The following DCP1A variants were observed in gnomAD, a reference collection of about 807,000 sequenced individuals.
DCP1A encodes the protein mRNA-decapping enzyme 1A.
DCP1A carries 20 observed loss-of-function variants against 58.0 expected under a neutral mutation model. That is an observed-to-expected ratio of 0.34 (90% confidence interval 0.24 to 0.50). DCP1A has a LOEUF of 0.50. DCP1A is among the 20% of genes least tolerant of loss of function. The pLI is 0.98. For synonymous variants in DCP1A, 285 were observed against 275.1 expected (o/e 1.04, Z -0.36); for missense variants, 613 against 712.2 (o/e 0.86, Z 1.59).
chr3:53,290,842 G>C lies in DCP1A; in HGVS notation c.1398C>G (p.Asn466Lys). Residue 466 changes from asparagine (N) to lysine (K), a missense_variant, in exon 8 of 10, where the codon AAC (asparagine) becomes AAG (lysine). This residue lies in a region of DCP1A where 498 missense variants were observed against 556.7 expected (regional missense o/e 0.89). Coordinates refer to ENST00000610213, the MANE Select transcript of DCP1A (RefSeq NM_018403.7). ...GCTGCACAAATACTTCAGGATCCTG[G>C]TTCTGCTGCATAGACTGAAATGTTT... ...VLAPLQSMQQ[N>K]QDPEVFVQPK... 1.2e-6 allele frequency: 2 copies of C among 1,610,608 alleles called. No homozygotes were observed. The highest frequency in any genetic ancestry group is 1.7e-6 in the Non-Finnish European group (2 of 1,178,978).
rs565479259 is a variant in DCP1A at position 53,285,322 on chromosome 3, T to C, written c.*2258A>G. On this transcript the variant is annotated 3_prime_UTR_variant, in exon 10 of 10. Transcript: ENST00000610213. ...AAGCCTGAACTAGGAATAAGGCAAC[T>C]GAACTGTGACTTTCGGGCCAGGGTC... 1.3e-5 allele frequency: 2 copies of C among 152,354 alleles called. No individual in the cohort carries two copies. The highest frequency in any genetic ancestry group is 4.1e-4 in the South Asian group (2 of 4,828). The allele number at this position is 152,354 out of a possible 1,614,324, so 9.4% of individuals were successfully genotyped here. A position where few individuals can be genotyped will look rare whatever the true frequency, so the allele number is the denominator to read the frequency against.
intron 3 of DCP1A, 107 bp from the exon 4 acceptor site, chr3:53,319,580 C>A: frequency 1.5e-6 from 1 of 654,044 alleles, no homozygotes; most frequent in Non-Finnish European, 2.6e-6. Flanking sequence ...TACCATCAGA[C>A]CCTCAAATTG....
At chr3:53,296,622 T>A (rs1707136185) in intron 6 of DCP1A, among the ~76,000 whole-genome samples, 1 of 152,244 alleles carries the variant, frequency 6.6e-6, no homozygotes, top group Non-Finnish European at 1.5e-5. Flanking sequence ...ATTTTAACCA[T>A]ATTTAAGTGT....
At chr3:53,304,432 C>T in intron 5 of DCP1A, 142 bp from the exon 6 acceptor site, 1 of 603,494 alleles carries the variant, frequency 1.7e-6, no homozygotes, top group Non-Finnish European at 2.9e-6. Context: ...TTGCTCTGTA[C>T]TCCAATGTAA....
chr3:53,315,755 T>TG (rs1360605751), intron 4 of DCP1A, among the ~76,000 whole-genome samples: 5 of 108,778 alleles, frequency 4.6e-5, no homozygotes, highest in Non-Finnish European at 7.0e-5. Context: ...TTTTTTTTTT[T>TG]TGTTTTTTTT....
rs912419814 is a variant in DCP1A at position 53,286,497 on chromosome 3, C to T, written c.*1083G>A. On this transcript the variant is annotated 3_prime_UTR_variant, in exon 10 of 10. Coordinates refer to ENST00000610213, the MANE Select transcript of DCP1A (RefSeq NM_018403.7). ...GATCAATAGCAGCATAACAAAGCTT[C>T]TTTACATATTTTCACACTTTGGGCC... 4 of 152,214 alleles carry T rather than the reference C, an allele frequency of 2.6e-5. No homozygotes were observed. The highest frequency in any genetic ancestry group is 5.9e-5 in the Non-Finnish European group (4 of 68,030). 9.4% of individuals were successfully genotyped at this position (152,214 alleles called of 1,614,324 possible).
chr3:53,342,617 T>C (rs553740925), intron 2 of DCP1A, among the ~76,000 whole-genome samples: 2 of 152,330 alleles, frequency 1.3e-5, no homozygotes, highest in Non-Finnish European at 2.9e-5. Context: ...TGTGTGCTTC[T>C]ACCTAAAAAC....
At chr3:53,304,627 C>T (rs536828079) in intron 5 of DCP1A, among the ~76,000 whole-genome samples, 2 of 152,224 alleles carry the variant, frequency 1.3e-5, no homozygotes, top group African/African-American at 4.8e-5. Context: ...GGCTGGACTG[C>T]AGTGGCGCAA....
At position 53,288,232 on chromosome 3, in the gene DCP1A, G is replaced by A; in HGVS notation, c.1501C>T (p.Leu501=). ...TGCTGGAAAACACTTGGGGCCAGCA[G>A]GACTGAAGACACTGCAGTGGTCGTT... ...TATTTAVSSV[L]LAPSVFQQTV... The change falls in exon 9 of 10, where the codon CTG becomes TTG. Residue 501 remains leucine, a synonymous_variant. Coordinates refer to ENST00000610213, the MANE Select transcript of DCP1A (RefSeq NM_018403.7). 6.2e-7 allele frequency: 1 copy of A among 1,613,870 alleles called. No homozygotes were observed. Among genetic ancestry groups the A allele is most frequent in the South Asian group, 1.1e-5 (1 of 91,066 alleles).
chr3:53,346,784 C>T (rs1390326268), intron 1 of DCP1A, among the ~76,000 whole-genome samples: 1 of 152,094 alleles, frequency 6.6e-6, no homozygotes, highest in Non-Finnish European at 1.5e-5. Context: ...TTCGGGGATC[C>T]AGTGAACACG....
At chr3:53,314,672 T>C (rs893607105) in intron 4 of DCP1A, among the ~76,000 whole-genome samples, 29 of 136,642 alleles carry the variant, frequency 2.1e-4, no homozygotes, top group East Asian at 1.3e-3. Flanking sequence ...TTTTTCTTTT[T>C]TTTTTTTTTT....
At chr3:53,306,101 T>C (rs1396980547) in intron 5 of DCP1A, among the ~76,000 whole-genome samples, 1 of 152,242 alleles carries the variant, frequency 6.6e-6, no homozygotes, top group African/African-American at 2.4e-5. Flanking sequence ...ATTTTCTTGA[T>C]ACCATGCTAC....
At chr3:53,290,270 G>C (rs192188466) in intron 8 of DCP1A, among the ~76,000 whole-genome samples, 1 of 152,232 alleles carries the variant, frequency 6.6e-6, no homozygotes, top group African/African-American at 2.4e-5. Context: ...AGAGCAATGG[G>C]AAATGAGAGG....
At chr3:53,337,953 ATT>A in intron 3 of DCP1A, 1 of 213,574 alleles carries the variant, frequency 4.7e-6, no homozygotes, top group Non-Finnish European at 1.0e-5. Flanking sequence ...ATTTTCCCTA[ATT>A]GCAAAGTTTT....
chr3:53,320,531 G>A (rs1178210519), intron 3 of DCP1A, among the ~76,000 whole-genome samples: 2 of 152,016 alleles, frequency 1.3e-5, no homozygotes, highest in East Asian at 3.9e-4. Flanking sequence ...AGAAATGGCA[G>A]GTATCATTAT....
At chr3:53,318,041 C>T (rs1388584536) in intron 4 of DCP1A, among the ~76,000 whole-genome samples, 1 of 152,204 alleles carries the variant, frequency 6.6e-6, no homozygotes, top group Non-Finnish European at 1.5e-5. Context: ...TGGTGGCTCA[C>T]GCCTATAATC....
At chr3:53,302,754 G>A (rs1559686640) in intron 6 of DCP1A, among the ~76,000 whole-genome samples, 1 of 151,834 alleles carries the variant, frequency 6.6e-6, no homozygotes, top group South Asian at 2.1e-4. Context: ...TTCCCGAATA[G>A]CTGGGATTAC....
chr3:53,320,259 A>G (rs183477381), intron 3 of DCP1A, among the ~76,000 whole-genome samples: 2 of 152,266 alleles, frequency 1.3e-5, no homozygotes, highest in Admixed American at 1.3e-4. Flanking sequence ...TTCTTATCCC[A>G]TTCTTTTTAT....
At chr3:53,311,755 T>C (rs1256183710) in intron 5 of DCP1A, among the ~76,000 whole-genome samples, 2 of 152,108 alleles carry the variant, frequency 1.3e-5, no homozygotes, top group African/African-American at 2.4e-5. Context: ...GAAACTGCAG[T>C]GGTGAAGAAG....
Sources: gnomAD v4.1 joint callset for allele counts (sites outside exome capture counted in the v4.1 genomes callset) on GRCh38, gnomAD v4.1.1 for gene constraint, gnomAD v4.1.1 regional missense constraint, MANE v1.5 for transcripts, NCBI Gene and HGNC (gene_info 2026-07-23, HGNC 2026-07-21) for gene names.